THAP6: variants seen among roughly 807,000 people sequenced by gnomAD.
The protein encoded by THAP6 is THAP domain containing 6, also known as THAP domain-containing protein 6.
THAP6 carries 13 observed loss-of-function variants against 20.0 expected under a neutral mutation model. That is an observed-to-expected ratio of 0.65 (90% confidence interval 0.42 to 1.03). The LOEUF (loss-of-function observed/expected upper bound fraction) is 1.03. Ranked by LOEUF, THAP6 falls within the 50% of genes least tolerant of loss-of-function variation. The pLI is 0.00. For missense variants in THAP6, 262 were observed against 261.6 expected, an observed-to-expected ratio of 1.00 and a Z score of -0.01; for synonymous variants, 93 against 92.2, an observed-to-expected ratio of 1.01 and a Z score of -0.05.
Position 75,515,138 on chromosome 4 carries a change from T to TGA in THAP6, c.-20-295_-20-294insGA, listed in dbSNP as rs1725466493. ...CCGAGGGCTGAAAGATGGGTAGGAGTTAGTGTGCAAAAGGCTTTGTGGCAC... is the reference window on the plus strand; with the variant it reads ...CCGAGGGCTGAAAGATGGGTAGGAGTGATAGTGTGCAAAAGGCTTTGTGGCAC... On this transcript the variant is annotated intron_variant, in intron 1 of 4. Transcript: ENST00000311638. The TGA allele has an allele frequency of 1.2e-5, 3 of 246,746 alleles. No homozygotes were observed. In the East Asian group the frequency reaches 2.3e-4, roughly 19 times the overall value. The allele number at this position is 246,746 out of a possible 1,614,324, so 15.3% of individuals were successfully genotyped here.
At chr4:75,525,608 A>T (rs1338273291) in intron 4 of THAP6, among the ~76,000 whole-genome samples, 4 of 152,100 alleles carry the variant, frequency 2.6e-5, no homozygotes, top group Non-Finnish European at 5.9e-5. Flanking sequence ...TTTATCTCTT[A>T]TTATGACTAA....
intron 3 of THAP6, among the ~76,000 whole-genome samples, chr4:75,518,869 C>T (rs933139807): frequency 6.6e-6 from 1 of 152,172 alleles, no homozygotes; most frequent in Non-Finnish European, 1.5e-5. Context: ...ATCTATGGAT[C>T]ACATGTTTAA....
intron 4 of THAP6, among the ~76,000 whole-genome samples, chr4:75,525,831 C>T (rs1053482748): frequency 2.0e-5 from 3 of 152,172 alleles, no homozygotes; most frequent in African/African-American, 7.2e-5. Context: ...ATTTTCAAGT[C>T]TGGCTAGTGG....
intron 3 of THAP6, among the ~76,000 whole-genome samples, 161 bp from the exon 4 acceptor site, chr4:75,521,575 T>G (rs1726031143): frequency 6.6e-6 from 1 of 152,124 alleles, no homozygotes; most frequent in Non-Finnish European, 1.5e-5. Flanking sequence ...TTTCAGAAAG[T>G]TCTTTTAAAA....
chr4:75,543,247 T>C (rs1727053375), intron 3 of THAP6, among the ~76,000 whole-genome samples: 1 of 152,232 alleles, frequency 6.6e-6, no homozygotes. Flanking sequence ...TCTTCCTCCA[T>C]TTTAATACTA....
intron 4 of THAP6, among the ~76,000 whole-genome samples, chr4:75,526,739 G>A (rs1183967390): frequency 6.6e-6 from 1 of 152,154 alleles, no homozygotes; most frequent in Non-Finnish European, 1.5e-5. Context: ...ATAATATTCT[G>A]CAGTCTTTGT....
At chr4:75,538,596 C>A (rs1726929661) in intron 2 of THAP6, among the ~76,000 whole-genome samples, 1 of 152,180 alleles carries the variant, frequency 6.6e-6, no homozygotes, top group Non-Finnish European at 1.5e-5. Context: ...TAAAGGCAAG[C>A]CTGGGTAGCG....
At chr4:75,524,070 G>C (rs539270169) in intron 4 of THAP6, among the ~76,000 whole-genome samples, 1 of 152,076 alleles carries the variant, frequency 6.6e-6, no homozygotes, top group Non-Finnish European at 1.5e-5. Context: ...AAGTGAGTTC[G>C]CTGTAGGTGT....
At position 75,528,073 on chromosome 4, in the gene THAP6, T is replaced by TA. The variant is rs200045203; in HGVS notation, c.*866dup. ...ATGTAAAGTAGTATTGCTGACATTT[T>TA]AAAAAAATACAAAATACAAAAGAAA... is the stretch of plus-strand genomic sequence containing the variant. On this transcript the variant is annotated 3_prime_UTR_variant, in exon 5 of 5. Coordinates refer to ENST00000311638, the MANE Select transcript of THAP6 (RefSeq NM_144721.6). 303 of 984,454 alleles carry TA rather than the reference T, an allele frequency of 3.1e-4. 4 individuals are homozygous for TA. The East Asian group carries it at 0.021, about 67-fold the overall frequency. 61.0% of individuals were successfully genotyped at this position (984,454 alleles called of 1,614,324 possible). A position where few individuals can be genotyped will look rare whatever the true frequency, so the allele number is the denominator to read the frequency against.
In THAP6 at chr4:75,530,012, C is replaced by T. The variant is rs1578276413; in HGVS notation, c.*2798C>T. 1.1e-6 allele frequency: 1 copy of T among 952,302 alleles called. No homozygotes were observed. The highest frequency in any genetic ancestry group is 1.3e-6 in the Non-Finnish European group (1 of 799,960). 59.0% of individuals were successfully genotyped at this position (952,302 alleles called of 1,614,324 possible). A position where few individuals can be genotyped will look rare whatever the true frequency, so the allele number is the denominator to read the frequency against. On this transcript the variant is annotated 3_prime_UTR_variant, in exon 5 of 5. Coordinates refer to ENST00000311638, the MANE Select transcript of THAP6 (RefSeq NM_144721.6). The stretch of plus-strand genomic sequence containing the variant: ...ATTATAATTTATTTGAAAAATAAAA[C>T]ATTTTATCCAGTAATGTGTTATGTG...
chr4:75,516,946 A>G lies in THAP6; in HGVS notation c.255A>G (p.Ile85Met). The G allele has an allele frequency of 6.2e-7, 1 of 1,613,108 alleles. No individual in the cohort carries two copies. The highest frequency in any genetic ancestry group is 8.5e-7 in the Non-Finnish European group (1 of 1,179,856). The change falls in exon 3 of 5, where the codon ATA (isoleucine) becomes ATG (methionine). Residue 85 changes from isoleucine to methionine, a missense_variant. Transcript: ENST00000311638. ...ATATTAAACTGAAACCTGGAGTCAT[A>G]CCTTCTATCTTTGATTCTCCATATC... The part of the protein sequence containing the change: ...APNIKLKPGV[I>M]PSIFDSPYHL...
upstream of THAP6, chr4:75,514,404 G>A (rs1367239902): frequency 1.3e-5 from 16 of 1,189,688 alleles, no homozygotes; most frequent in Non-Finnish European, 1.9e-5. Flanking sequence ...GCGACAATAT[G>A]GCTCCTAAGC....
At chr4:75,542,819 GC>G in intron 3 of THAP6, 1 of 194,266 alleles carries the variant, frequency 5.1e-6, no homozygotes, top group South Asian at 1.4e-4. Flanking sequence ...TGTCTTAAAG[GC>G]CAGACTTCAG....
chr4:75,533,623 A>G (rs1726756451), downstream of THAP6, among the ~76,000 whole-genome samples: 1 of 152,212 alleles, frequency 6.6e-6, no homozygotes, highest in South Asian at 2.1e-4. Context: ...AGTTAAATGG[A>G]TTTACAGTTC....
chr4:75,538,457 A>T (rs755861293), intron 2 of THAP6, among the ~76,000 whole-genome samples: 9 of 152,030 alleles, frequency 5.9e-5, no homozygotes, highest in Middle Eastern at 3.4e-3. Context: ...GCCTGAGAAG[A>T]TAAATTCTAC....
chr4:75,514,761 C>G, intron 1 of THAP6: 1 of 158,568 alleles, frequency 6.3e-6, no homozygotes. Context: ...CCGCGCGCTG[C>G]TCTTGGACGC....
downstream of THAP6, among the ~76,000 whole-genome samples, chr4:75,531,110 A>G (rs189677012): frequency 3.7e-4 from 56 of 152,328 alleles, 1 homozygote; most frequent in South Asian, 0.011. Context: ...GGATTCCACC[A>G]TTCCCTAACT....
downstream of THAP6, chr4:75,530,089 C>T (rs562248380): frequency 2.1e-4 from 211 of 984,354 alleles, 1 homozygote; most frequent in African/African-American, 2.7e-3. Flanking sequence ...ATGAAGAGTA[C>T]GTACGTAGAG....
At chr4:75,536,002 G>A (rs761407007) in intron 2 of THAP6, among the ~76,000 whole-genome samples, 3 of 152,080 alleles carry the variant, frequency 2.0e-5, no homozygotes, top group Non-Finnish European at 2.9e-5. Context: ...CATTTCCTTG[G>A]TTTAAGCTGT....
Sources: allele counts gnomAD v4.1 joint callset (sites outside exome capture counted in the v4.1 genomes callset), GRCh38; gene constraint gnomAD v4.1.1; transcripts MANE v1.5; gene names NCBI Gene and HGNC (gene_info 2026-07-23, HGNC 2026-07-21).